MAPK11: variants seen among roughly 807,000 people sequenced by gnomAD.
MAPK11 encodes MAP kinase 11.
In MAPK11, 44 loss-of-function variants were observed where a neutral mutation model predicts 52.2. That is an observed-to-expected ratio of 0.84 (90% CI 0.66 to 1.08). The LOEUF is 1.08. MAPK11 is among the 50% of genes least tolerant of loss of function. MAPK11 has a pLI of 0.00. For synonymous variants in MAPK11, 233 were observed against 206.3 expected (o/e 1.13, Z -1.11); for missense variants, 436 against 494.7 (o/e 0.88, Z 1.13).
At chr22:50,266,169 G>C (rs1198053201) in intron 9 of MAPK11, 57 bp downstream of exon 9, 5 of 1,409,424 alleles carry the variant, frequency 3.5e-6, no homozygotes, top group Non-Finnish European at 1.9e-6. Flanking sequence ...CTCTCCCCCA[G>C]AGAGCCTGGG....
Position 50,267,290 on chromosome 22 carries a change from C to CG in MAPK11, c.418-5dup. On this transcript the variant is annotated splice_polypyrimidine_tract_variant and splice_region_variant and intron_variant, in intron 4 of 11. Transcript: ENST00000330651. ...TGATCCCGGCCGAGTGGATGTACTG[C>CG]GGGAGGGGGATTGTGGTGAGCGCCG... 1.2e-6 allele frequency: 2 copies of CG among 1,600,574 alleles called. No individual in the cohort carries two copies. The highest frequency in any genetic ancestry group is 1.1e-5 in the South Asian group (1 of 89,394).
chr22:50,270,294 T>C lies in MAPK11; in HGVS notation c.-2A>G. On this transcript the variant is annotated 5_prime_UTR_variant, in exon 1 of 12. Coordinates refer to ENST00000330651, the MANE Select transcript of MAPK11 (RefSeq NM_002751.7). This position sits in a 1 kb window ranked among gnomAD's most constrained non-coding sequence, Gnocchi z 6.3. ...GAAGCCGGCGCGAGGGCCCGACATG[T>C]CCGGAGCAGCCGCCGCTCCGCCCGG... 2 of 1,310,412 alleles carry C rather than the reference T, an allele frequency of 1.5e-6. No homozygotes were observed. The highest frequency in any genetic ancestry group is 2.0e-6 in the Non-Finnish European group (2 of 1,022,904). 81.2% of individuals were successfully genotyped at this position (1,310,412 alleles called of 1,614,324 possible).
At position 50,267,244 on chromosome 22, in the gene MAPK11, C is replaced by A; in HGVS notation, c.447+13G>T. ...CCTGCTGGACCCGACCCTCACCCTG[C>A]GGTCGCACCTACCCGGTGGATGATC... On this transcript the variant is annotated intron_variant, in intron 5 of 11. Coordinates refer to ENST00000330651, the MANE Select transcript of MAPK11 (RefSeq NM_002751.7). 1.2e-6 allele frequency: 2 copies of A among 1,607,520 alleles called. No individual in the cohort carries two copies. The highest frequency in any genetic ancestry group is 1.7e-6 in the Non-Finnish European group (2 of 1,178,560).
Position 50,270,187 on chromosome 22 carries a change from C to G in MAPK11, c.106G>C (p.Gly36Arg). ...GLRPVGSGAY[G>R]SVCSAYDARL... ...CTGCCCCGCCCCTACCAGACGGAGC[C>G]GTAGGCGCCGGAGCCCACCGGGCGC... is the stretch of plus-strand genomic sequence containing the variant. Residue 36 changes from glycine (G) to arginine (R), a missense_variant, in exon 1 of 12, where the codon GGC (glycine) becomes CGC (arginine). By Grantham distance (125) the Gly-to-Arg change is moderately radical. Coordinates refer to ENST00000330651, the MANE Select transcript of MAPK11 (RefSeq NM_002751.7). This position sits in a 1 kb window ranked among gnomAD's most constrained non-coding sequence, Gnocchi z 6.3. 6.8e-7 allele frequency: 1 copy of G among 1,472,758 alleles called. No individual in the cohort carries two copies. Among genetic ancestry groups the G allele is most frequent in the South Asian group, 1.3e-5 (1 of 76,552 alleles). The allele number at this position is 1,472,758 out of a possible 1,614,324, so 91.2% of individuals were successfully genotyped here.
At position 50,267,805 on chromosome 22, in the gene MAPK11, C is replaced by A. The variant is rs2065277922; in HGVS notation, c.246+15G>T. The A allele has an allele frequency of 6.5e-7, 1 of 1,528,338 alleles. No individual in the cohort carries two copies. Among genetic ancestry groups the A allele is most frequent in the African/African-American group, 1.4e-5 (1 of 69,596 alleles). The allele number at this position is 1,528,338 out of a possible 1,614,324, so 94.7% of individuals were successfully genotyped here. A position where few individuals can be genotyped will look rare whatever the true frequency, so the allele number is the denominator to read the frequency against. ...CCCGCACGCGCCCTCCCCCCACGGC[C>A]CTCCCCCGGCTCACGTTCTCGTGCT... On this transcript the variant is annotated intron_variant, in intron 2 of 11. Coordinates refer to ENST00000330651, the MANE Select transcript of MAPK11 (RefSeq NM_002751.7).
rs775253396 is a variant in MAPK11, at chr22:50,267,079, C to T, written c.496-31G>A. 9 of 1,611,264 alleles carry T rather than the reference C, an allele frequency of 5.6e-6. No individual in the cohort carries two copies. In the Middle Eastern group the frequency reaches 6.6e-4, roughly 118 times the overall value. On this transcript the variant is annotated intron_variant, in intron 6 of 11. Transcript: ENST00000330651. ...GCGACCACGTGGTGTTCTCAAGCTC[C>T]GCACGGGCTCCGCCGCCGCCCTGCC...
intron 11 of MAPK11, 114 bp from the exon 12 acceptor site, chr22:50,265,141 C>A: frequency 8.5e-7 from 1 of 1,176,732 alleles, no homozygotes; most frequent in South Asian, 1.4e-5. Context: ...GCAGCCTCAG[C>A]ACAGTCTGGG....
intron 1 of MAPK11, among the ~76,000 whole-genome samples, chr22:50,268,984 G>C (rs1177068288): frequency 9.2e-5 from 14 of 152,164 alleles, no homozygotes; most frequent in Non-Finnish European, 1.9e-4. Flanking sequence ...ACAGGGAATT[G>C]GCACCTGGCC....
intron 9 of MAPK11, 54 bp downstream of exon 9, chr22:50,266,172 A>T: frequency 7.1e-7 from 1 of 1,400,044 alleles, no homozygotes; most frequent in Non-Finnish European, 9.8e-7. Flanking sequence ...TCCCCCAGAG[A>T]GCCTGGGGGC....
chr22:50,270,326 C>CCCCGCGCCCCGCG lies in MAPK11; in HGVS notation c.-47_-35dup. ...CAGCCGCCGCTCCGCCCGGGCCCAGCCCCGCGCCCCGCGCCCGCGCCCGAG... is the reference window on the plus strand; with the variant it reads ...CAGCCGCCGCTCCGCCCGGGCCCAGCCCCGCGCCCCGCGCCCGCGCCCCGCGCCCGCGCCCGAG... On this transcript the variant is annotated 5_prime_UTR_variant, in exon 1 of 12. Transcript: ENST00000330651. The surrounding 1 kb of genome is among the most constrained non-coding windows in gnomAD (Gnocchi z 6.3). 1.1e-6 allele frequency: 1 copy of CCCCGCGCCCCGCG among 905,832 alleles called. No individual in the cohort carries two copies. The highest frequency in any genetic ancestry group is 1.4e-6 in the Non-Finnish European group (1 of 722,088). The allele number at this position is 905,832 out of a possible 1,614,324, so 56.1% of individuals were successfully genotyped here.
In MAPK11 at chr22:50,267,810, C is replaced by G. The variant is rs760705537; in HGVS notation, c.246+10G>C. The G allele has an allele frequency of 4.6e-6, 7 of 1,533,978 alleles. No homozygotes were observed. The highest frequency in any genetic ancestry group is 2.9e-5 in the African/African-American group (2 of 69,778). ...ACGCGCCCTCCCCCCACGGCCCTCC[C>G]CCGGCTCACGTTCTCGTGCTTCAGG... is the stretch of plus-strand genomic sequence containing the variant. On this transcript the variant is annotated intron_variant, in intron 2 of 11. Transcript: ENST00000330651.
In MAPK11 at chr22:50,267,807, T is replaced by G. The variant is rs1408137592; in HGVS notation, c.246+13A>C. 7.4e-7 allele frequency: 1 copy of G among 1,357,382 alleles called. No homozygotes were observed. Among genetic ancestry groups the G allele is most frequent in the Non-Finnish European group, 9.9e-7 (1 of 1,013,266 alleles). The allele number at this position is 1,357,382 out of a possible 1,614,324, so 84.1% of individuals were successfully genotyped here. A position where few individuals can be genotyped will look rare whatever the true frequency, so the allele number is the denominator to read the frequency against. On this transcript the variant is annotated intron_variant, in intron 2 of 11. Coordinates refer to ENST00000330651, the MANE Select transcript of MAPK11 (RefSeq NM_002751.7). ...CGCACGCGCCCTCCCCCCACGGCCC[T>G]CCCCCGGCTCACGTTCTCGTGCTTC...
Position 50,266,959 on chromosome 22 carries a change from G to T in MAPK11, c.585C>A (p.Leu195=). The change falls in exon 7 of 12, where the codon CTC becomes CTA. Residue 195 remains leucine (L), a synonymous_variant. Transcript: ENST00000330651. ...TRWYRAPEIM[L]NWMHYNQTVD... Reference sequence around the variant, plus strand: ...CTGTTTGGTTGTAATGCATCCAGTTGAGCATGATCTCAGGTGCCCGGTACC... The same window carrying T: ...CTGTTTGGTTGTAATGCATCCAGTTTAGCATGATCTCAGGTGCCCGGTACC... The T allele has an allele frequency of 6.2e-7, 1 of 1,611,426 alleles. No individual in the cohort carries two copies.
chr22:50,265,296 C>T (rs2065253236), intron 11 of MAPK11, 25 bp downstream of exon 11: 1 of 1,610,456 alleles, frequency 6.2e-7, no homozygotes, highest in East Asian at 2.2e-5. Context: ...CCCCTGGACC[C>T]ACCCCCAGCC....
chr22:50,265,071 C>T lies in MAPK11; in HGVS notation c.1016-44G>A, dbSNP rs201769656. 1.3e-4 allele frequency: 206 copies of T among 1,528,164 alleles called. No individual in the cohort carries two copies. In the African/African-American group the frequency reaches 2.3e-3, roughly 17 times the overall value. 94.7% of individuals were successfully genotyped at this position (1,528,164 alleles called of 1,614,324 possible). A position where few individuals can be genotyped will look rare whatever the true frequency, so the allele number is the denominator to read the frequency against. On this transcript the variant is annotated intron_variant, in intron 11 of 11. Coordinates refer to ENST00000330651, the MANE Select transcript of MAPK11 (RefSeq NM_002751.7). ...GGGTGAGCTTGTGCCTCCCACAGCC[C>T]GGCCCCTCACCTGCTTGTCTGGCAC...
Position 50,267,484 on chromosome 22 carries a change from T to C in MAPK11, c.306-2A>G. The C allele has an allele frequency of 1.2e-6, 2 of 1,602,064 alleles. No individual in the cohort carries two copies. Among genetic ancestry groups the C allele is most frequent in the Non-Finnish European group, 1.7e-6 (2 of 1,174,886 alleles). The stretch of plus-strand genomic sequence containing the variant: ...CCCATCAGGGTGGTCACCAAGTACC[T>C]GGGGCGGGGTCAGGGGGTCAGGACA... On this transcript the variant is annotated splice_acceptor_variant, in intron 3 of 11. Transcript: ENST00000330651. LOFTEE classifies it high-confidence loss of function.
chr22:50,268,401 C>T (rs1410196794), intron 1 of MAPK11, among the ~76,000 whole-genome samples: 3 of 152,236 alleles, frequency 2.0e-5, no homozygotes, highest in South Asian at 2.1e-4. Flanking sequence ...CACCTCAAAG[C>T]CCCTGGACCC....
At chr22:50,265,163 G>T in intron 11 of MAPK11, 136 bp from the exon 12 acceptor site, 1 of 1,239,344 alleles carries the variant, frequency 8.1e-7, no homozygotes, top group Non-Finnish European at 1.1e-6. Context: ...GCCAGAACCT[G>T]CCCTGTGTCA....
intron 1 of MAPK11, among the ~76,000 whole-genome samples, chr22:50,269,893 C>T (rs902536604): frequency 3.3e-5 from 5 of 152,142 alleles, no homozygotes; most frequent in African/African-American, 1.2e-4. Flanking sequence ...TGAGACCCAC[C>T]CTCACGCCAG....
Sources: gnomAD v4.1 joint callset for allele counts (sites outside exome capture counted in the v4.1 genomes callset) on GRCh38, gnomAD v4.1.1 for gene constraint, Gnocchi (gnomAD v3.1) non-coding constraint, MANE v1.5 for transcripts, NCBI Gene and HGNC (gene_info 2026-07-23, HGNC 2026-07-21) for gene names.